The following CLSTN2 variants were observed in gnomAD, a reference collection of about 807,000 sequenced individuals.
CLSTN2 encodes calsyntenin 2, also known as calsyntenin-2.
In CLSTN2, 48 loss-of-function variants were observed where a neutral mutation model predicts 101.2. That is an observed-to-expected ratio of 0.47 (90% CI 0.38 to 0.60). The LOEUF is 0.60. CLSTN2 is among the 20% of genes least tolerant of loss of function. The pLI, the probability that CLSTN2 is intolerant of heterozygous loss-of-function variation, is 0.00. For missense variants in CLSTN2, 1,160 were observed against 1,238.2 expected, an observed-to-expected ratio of 0.94 and a Z score of 0.95; for synonymous variants, 481 against 463.6, an observed-to-expected ratio of 1.04 and a Z score of -0.48.
intron 1 of CLSTN2, among the ~76,000 whole-genome samples, chr3:140,018,482 C>G (rs1284470222): frequency 6.6e-6 from 1 of 152,126 alleles, no homozygotes; most frequent in East Asian, 1.9e-4. Flanking sequence ...AGGACTGCAG[C>G]CTGCTGCATA....
At chr3:140,084,525 A>G (rs955228413) in intron 1 of CLSTN2, among the ~76,000 whole-genome samples, 7 of 152,336 alleles carry the variant, frequency 4.6e-5, no homozygotes, top group Middle Eastern at 6.8e-3. Context: ...AATTTCCTTC[A>G]GTAGTCTACT....
At chr3:140,274,784 G>A (rs1448366894) in intron 2 of CLSTN2, among the ~76,000 whole-genome samples, 1 of 152,226 alleles carries the variant, frequency 6.6e-6, no homozygotes, top group Admixed American at 6.5e-5. Context: ...CACAGGATCA[G>A]AGAGAAAAAT....
intron 8 of CLSTN2, among the ~76,000 whole-genome samples, chr3:140,510,417 C>T (rs1934784540): frequency 6.6e-6 from 1 of 152,290 alleles, no homozygotes; most frequent in East Asian, 1.9e-4. Context: ...GGCACATCAT[C>T]AGTGCATAAT....
At position 140,563,875 on chromosome 3, in the gene CLSTN2, A is replaced by G. The variant is rs948461360; in HGVS notation, c.2483-86A>G. 1.0e-5 allele frequency: 14 copies of G among 1,360,140 alleles called. No individual in the cohort carries two copies. In the African/African-American group the frequency reaches 1.4e-4, roughly 14 times the overall value. The allele number at this position is 1,360,140 out of a possible 1,614,324, so 84.3% of individuals were successfully genotyped here. A position where few individuals can be genotyped will look rare whatever the true frequency, so the allele number is the denominator to read the frequency against. ...GAAGTGGTAGGGCAGACTTTATCCT[A>G]TGCACGGATGTTTCATTCATGCTCC... On this transcript the variant is annotated intron_variant, in intron 15 of 16. Coordinates refer to ENST00000458420, the MANE Select transcript of CLSTN2 (RefSeq NM_022131.3).
At chr3:139,954,888 C>T (rs956922524) in intron 1 of CLSTN2, among the ~76,000 whole-genome samples, 24 of 151,786 alleles carry the variant, frequency 1.6e-4, no homozygotes, top group South Asian at 4.2e-4. Context: ...CTTAGTGCAC[C>T]GAGCCATTGT....
intron 1 of CLSTN2, among the ~76,000 whole-genome samples, chr3:140,112,470 G>T (rs2009172096): frequency 6.6e-6 from 1 of 152,114 alleles, no homozygotes; most frequent in Non-Finnish European, 1.5e-5. Context: ...TAATTCACAG[G>T]AGTGTATCTT....
At chr3:140,047,744 T>G (rs1169795632) in intron 1 of CLSTN2, among the ~76,000 whole-genome samples, 1 of 152,198 alleles carries the variant, frequency 6.6e-6, no homozygotes, top group Non-Finnish European at 1.5e-5. Flanking sequence ...TCTCTTCCTC[T>G]TCTTGTAAAG....
intron 1 of CLSTN2, among the ~76,000 whole-genome samples, chr3:140,103,878 G>T (rs949729368): frequency 6.6e-6 from 1 of 152,324 alleles, no homozygotes; most frequent in East Asian, 1.9e-4. Context: ...CAAGACAAGG[G>T]TTGTGCAACA....
intron 1 of CLSTN2, among the ~76,000 whole-genome samples, chr3:139,956,240 A>G (rs969661811): frequency 1.4e-4 from 21 of 152,092 alleles, no homozygotes; most frequent in Admixed American, 9.2e-4. Context: ...ACTTGGTAAC[A>G]TGTTCTCATA....
chr3:140,407,062 A>T (rs536748700), intron 4 of CLSTN2, among the ~76,000 whole-genome samples: 23 of 152,298 alleles, frequency 1.5e-4, no homozygotes, highest in Non-Finnish European at 3.1e-4. Context: ...CCTCTCAGGG[A>T]GTGTGGGCCC....
intron 1 of CLSTN2, among the ~76,000 whole-genome samples, chr3:140,049,820 T>C (rs929194008): frequency 5.3e-5 from 8 of 152,174 alleles, no homozygotes; most frequent in African/African-American, 1.9e-4. Flanking sequence ...TTAGCTAGCA[T>C]ATCTCCTTTT....
At chr3:140,089,971 CTTTTTTTTTTTTTT>C (rs58418539) in intron 1 of CLSTN2, among the ~76,000 whole-genome samples, 4 of 49,648 alleles carry the variant, frequency 8.1e-5, no homozygotes, top group African/African-American at 2.5e-4. Flanking sequence ...CTAGGATTGG[CTTTTTTTTTTTTTT>C]TTTTTTTTTT....
intron 2 of CLSTN2, among the ~76,000 whole-genome samples, chr3:140,276,374 C>T (rs1391579200): frequency 6.6e-6 from 1 of 152,144 alleles, no homozygotes; most frequent in African/African-American, 2.4e-5. Flanking sequence ...TCTTGGCTCA[C>T]CTTAGAGCCC....
intron 12 of CLSTN2, among the ~76,000 whole-genome samples, chr3:140,561,344 G>T (rs936272060): frequency 6.6e-6 from 1 of 152,028 alleles, no homozygotes; most frequent in Non-Finnish European, 1.5e-5. Flanking sequence ...AATACCAGTC[G>T]CCTTCTTAAG....
At chr3:140,152,988 C>A (rs1285073549) in intron 1 of CLSTN2, among the ~76,000 whole-genome samples, 1 of 152,214 alleles carries the variant, frequency 6.6e-6, no homozygotes, top group Non-Finnish European at 1.5e-5. Flanking sequence ...CCGACTGGAG[C>A]CTCATTGGCT....
chr3:140,487,583 A>G (rs1055794710), intron 8 of CLSTN2, among the ~76,000 whole-genome samples: 1 of 152,218 alleles, frequency 6.6e-6, no homozygotes, highest in African/African-American at 2.4e-5. Context: ...ATGGCTCCAC[A>G]TGCCTGTCTT....
At chr3:140,427,356 T>C (rs920304024) in intron 5 of CLSTN2, among the ~76,000 whole-genome samples, 4 of 151,630 alleles carry the variant, frequency 2.6e-5, no homozygotes, top group Non-Finnish European at 5.9e-5. Flanking sequence ...AGGATAGGTC[T>C]GCCTCTCCCA....
intron 8 of CLSTN2, among the ~76,000 whole-genome samples, chr3:140,522,025 G>A (rs1935038451): frequency 6.6e-6 from 1 of 152,194 alleles, no homozygotes; most frequent in Admixed American, 6.5e-5. Flanking sequence ...ACACCTCTGT[G>A]AGTCAGACCC....
chr3:139,969,760 T>A (rs886646851), intron 1 of CLSTN2, among the ~76,000 whole-genome samples: 10 of 152,192 alleles, frequency 6.6e-5, no homozygotes, highest in African/African-American at 2.2e-4. Flanking sequence ...GCCTCCAGCC[T>A]CCTTTCAAAT....
Sources: allele counts gnomAD v4.1 joint callset (sites outside exome capture counted in the v4.1 genomes callset), GRCh38; gene constraint gnomAD v4.1.1; transcripts MANE v1.5; gene names NCBI Gene and HGNC (gene_info 2026-07-23, HGNC 2026-07-21).